The following ZNF483 variants were observed in gnomAD, a reference collection of about 807,000 sequenced individuals.
ZNF483 encodes the protein zinc finger protein 483, also known as zinc finger protein HIT-10.
A neutral mutation model predicts 28.6 loss-of-function variants in ZNF483; 9 were observed. The observed-to-expected ratio is 0.32, with a 90% CI of 0.19 to 0.55. ZNF483 has a LOEUF of 0.55. Ranked by LOEUF, ZNF483 falls within the 20% of genes least tolerant of loss-of-function variation. The probability of loss-of-function intolerance (pLI) is 0.93; values close to 1 mark genes in which losing one functional copy is unlikely to be tolerated. For synonymous variants in ZNF483, 322 were observed against 306.2 expected (o/e 1.05, Z -0.54); for missense variants, 675 against 871.7 (o/e 0.77, Z 2.84).
At chr9:111,558,436 G>A (rs559319003), downstream of ZNF483, among the ~76,000 whole-genome samples, 30 of 152,080 alleles carry the variant, frequency 2.0e-4, no homozygotes, top group Non-Finnish European at 3.8e-4. Context: ...TCAGCTAGTT[G>A]GGAGGTTGAG....
chr9:111,576,285 T>G (rs897785621), intron 5 of ZNF483: 1 of 1,443,622 alleles, frequency 6.9e-7, no homozygotes, highest in African/African-American at 1.4e-5. Flanking sequence ...ATTTCATATT[T>G]GCATATTGTA....
At chr9:111,569,958 A>C in intron 5 of ZNF483, 1 of 1,400,282 alleles carries the variant, frequency 7.1e-7, no homozygotes, top group Non-Finnish European at 9.8e-7. Context: ...TTATACTCTA[A>C]GCACAATGAC....
chr9:111,559,584 CCACA>C (rs149722704), downstream of ZNF483, among the ~76,000 whole-genome samples: 9,881 of 151,656 alleles, frequency 0.065, 418 homozygotes, highest in African/African-American at 0.11. Context: ...TCACCAGTGT[CCACA>C]CACACACACT....
rs140422947 is a variant in ZNF483, at chr9:111,530,961, T to C, written c.499T>C (p.Cys167Arg). The C allele has an allele frequency of 1.3e-5, 19 of 1,481,964 alleles. No individual in the cohort carries two copies. The African/African-American group carries it at 1.7e-4, about 13-fold the overall frequency. 91.8% of individuals were successfully genotyped at this position (1,481,964 alleles called of 1,614,324 possible). A position where few individuals can be genotyped will look rare whatever the true frequency, so the allele number is the denominator to read the frequency against. Reference protein sequence around the residue: ...MVTVCPNTESCESITLKDVAV... With the variant: ...MVTVCPNTESRESITLKDVAV... ...CACTGTTTGTCCCAATACTGAGTCCTGTGTAAGTTTCCTTTGATGGTTTTT... is the reference window on the plus strand; with the variant it reads ...CACTGTTTGTCCCAATACTGAGTCCCGTGTAAGTTTCCTTTGATGGTTTTT... The change falls in exon 3 of 6, where the codon TGT (cysteine) becomes CGT (arginine). Residue 167 changes from cysteine to arginine, a missense_variant and splice_region_variant. This residue lies in a region of ZNF483 where 525 missense variants were observed against 581.8 expected (regional missense o/e 0.90). Coordinates refer to ENST00000309235, the MANE Select transcript of ZNF483 (RefSeq NM_133464.5).
In ZNF483 at chr9:111,542,046, T is replaced by C; in HGVS notation, c.1111T>C (p.Ser371Pro). Residue 371 changes from serine to proline, a missense_variant, in exon 6 of 6, where the codon TCT becomes CCT. Transcript: ENST00000309235. The surrounding 1 kb of genome is among the most constrained non-coding windows in gnomAD (Gnocchi z 6.2). Reference sequence around the variant, plus strand: ...TGATGGTGGGAAAGTCCTGAGTCACTCTTCAGCTCTTACTGAACATCAGAA... The same window carrying C: ...TGATGGTGGGAAAGTCCTGAGTCACCCTTCAGCTCTTACTGAACATCAGAA... ...SNDGGKVLSHSSALTEHQKRQ... is the reference protein window; with the variant it reads ...SNDGGKVLSHPSALTEHQKRQ... 6.2e-7 allele frequency: 1 copy of C among 1,614,078 alleles called. No individual in the cohort carries two copies. The highest frequency in any genetic ancestry group is 8.5e-7 in the Non-Finnish European group (1 of 1,180,002).
chr9:111,572,686 G>A (rs936469962), intron 5 of ZNF483, among the ~76,000 whole-genome samples: 9 of 149,322 alleles, frequency 6.0e-5, no homozygotes, highest in African/African-American at 2.2e-4. Flanking sequence ...GAGCCCAGAA[G>A]GTGGAGGCTG....
rs1457866651 is a variant in ZNF483, at chr9:111,550,642, G to A, written c.*7472G>A. On this transcript the variant is annotated 3_prime_UTR_variant, in exon 6 of 6. Coordinates refer to ENST00000309235, the MANE Select transcript of ZNF483 (RefSeq NM_133464.5). ...GTAATTATTATCTAGGTGGAGAGGT[G>A]GATTCCTGGGCCACTCTATCCATGT... 6.6e-6 allele frequency among the ~76,000 whole-genome samples: 1 copy of A among 152,042 alleles called. No homozygotes were observed. The highest frequency in any genetic ancestry group is 2.4e-5 in the African/African-American group (1 of 41,402).
chr9:111,534,457 A>T (rs752996588), intron 5 of ZNF483, 104 bp downstream of exon 5: 1 of 964,274 alleles, frequency 1.0e-6, no homozygotes, highest in Non-Finnish European at 1.6e-6. Context: ...AAATACAAAG[A>T]TGATTAGAAT....
At chr9:111,526,749 T>C (rs571425120) in intron 1 of ZNF483, among the ~76,000 whole-genome samples, 1 of 152,236 alleles carries the variant, frequency 6.6e-6, no homozygotes, top group African/African-American at 2.4e-5. Flanking sequence ...AGGAGGAGTA[T>C]TCAATCTAAA....
At position 111,530,804 on chromosome 9, in the gene ZNF483, TATATATATATAA is replaced by T. The variant is rs1159644102; in HGVS notation, c.413-70_413-59del. 3.7e-3 allele frequency: 493 copies of T among 133,420 alleles called. 12 individuals are homozygous for T. Among genetic ancestry groups the T allele is most frequent in the East Asian group, 0.011 (55 of 5,224 alleles). 8.3% of individuals were successfully genotyped at this position (133,420 alleles called of 1,614,324 possible). On this transcript the variant is annotated intron_variant, in intron 2 of 5. Coordinates refer to ENST00000309235, the MANE Select transcript of ZNF483 (RefSeq NM_133464.5). The stretch of plus-strand genomic sequence containing the variant: ...ATATATATATATATATATATATACA[TATATATATATAA>T]GATTTTTAGTCTGAGGAATCTGTAT...
chr9:111,543,877 C>T lies in ZNF483; in HGVS notation c.*707C>T, dbSNP rs1589277104. On this transcript the variant is annotated 3_prime_UTR_variant, in exon 6 of 6. Coordinates refer to ENST00000309235, the MANE Select transcript of ZNF483 (RefSeq NM_133464.5). ...TCAAGTGATCCTTCCATCTCACTTTCCTGAGTAGCTGACATTACGGGTACA... is the reference window on the plus strand; with the variant it reads ...TCAAGTGATCCTTCCATCTCACTTTTCTGAGTAGCTGACATTACGGGTACA... The T allele has an allele frequency of 1.0e-6, 1 of 982,026 alleles. No individual in the cohort carries two copies. Among genetic ancestry groups the T allele is most frequent in the Non-Finnish European group, 1.2e-6 (1 of 828,308 alleles). The allele number at this position is 982,026 out of a possible 1,614,324, so 60.8% of individuals were successfully genotyped here.
exon 6 of ZNF483, chr9:111,576,490 G>T: frequency 6.3e-7 from 1 of 1,595,354 alleles, no homozygotes. Context: ...TGCAGTTCAA[G>T]AGGCTCTGGT....
chr9:111,550,976 T>C lies in ZNF483; in HGVS notation c.*7806T>C, dbSNP rs1827924123. On this transcript the variant is annotated 3_prime_UTR_variant, in exon 6 of 6. Transcript: ENST00000309235. ...TGAAGCCTCTGATGATCTTTGACTA[T>C]TTATATTTAAGAGCAGGGCTCTAAA... 6.6e-6 allele frequency among the ~76,000 whole-genome samples: 1 copy of C among 152,234 alleles called. No homozygotes were observed. The highest frequency in any genetic ancestry group is 1.5e-5 in the Non-Finnish European group (1 of 68,042).
chr9:111,528,471 A>G (rs1827235663), intron 2 of ZNF483, among the ~76,000 whole-genome samples: 1 of 152,210 alleles, frequency 6.6e-6, no homozygotes. Context: ...TGATATCATT[A>G]TAAAATATTG....
intron 5 of ZNF483, among the ~76,000 whole-genome samples, chr9:111,564,496 G>A (rs1484944733): frequency 6.6e-6 from 1 of 151,608 alleles, no homozygotes; most frequent in African/African-American, 2.4e-5. Context: ...TGTAGAGACG[G>A]GGTCTTGCTA....
chr9:111,552,685 A>C lies in ZNF483; in HGVS notation c.*9515A>C, dbSNP rs1005921232. On this transcript the variant is annotated 3_prime_UTR_variant, in exon 6 of 6. Coordinates refer to ENST00000309235, the MANE Select transcript of ZNF483 (RefSeq NM_133464.5). The stretch of plus-strand genomic sequence containing the variant: ...TAAATTTGGAGGTTCTTTGAGACAG[A>C]ATATACCCAGAGTTTTCTTTGGGCA... Among the ~76,000 whole-genome samples the C allele has an allele frequency of 4.6e-5, 7 of 152,188 alleles. No homozygotes were observed. Among genetic ancestry groups the C allele is most frequent in the African/African-American group, 1.7e-4 (7 of 41,456 alleles).
rs1007252774 is a variant in ZNF483 at position 111,546,932 on chromosome 9, T to C, written c.*3762T>C. On this transcript the variant is annotated 3_prime_UTR_variant, in exon 6 of 6. Transcript: ENST00000309235. The stretch of plus-strand genomic sequence containing the variant: ...TAATTACTTGGTATGAATGGAATCA[T>C]ACAATATTTGCCCTGTTGTGTTTGG... 6.6e-6 allele frequency among the ~76,000 whole-genome samples: 1 copy of C among 152,222 alleles called. No homozygotes were observed. Among genetic ancestry groups the C allele is most frequent in the Non-Finnish European group, 1.5e-5 (1 of 68,026 alleles).
intron 3 of ZNF483, among the ~76,000 whole-genome samples, chr9:111,532,146 T>C (rs1457093157): frequency 6.6e-6 from 1 of 152,034 alleles, no homozygotes; most frequent in African/African-American, 2.4e-5. Context: ...CTCGTCTATA[T>C]AAAAAATTTT....
rs966236584 is a variant in ZNF483, at chr9:111,546,576, T to C, written c.*3406T>C. 6.6e-6 allele frequency among the ~76,000 whole-genome samples: 1 copy of C among 152,206 alleles called. No individual in the cohort carries two copies. Among genetic ancestry groups the C allele is most frequent in the Non-Finnish European group, 1.5e-5 (1 of 68,020 alleles). The stretch of plus-strand genomic sequence containing the variant: ...AGTCCTTGCTTTAAATAATGTTTCC[T>C]CTTAATGAGCGTGTATAAATTTTTT... On this transcript the variant is annotated 3_prime_UTR_variant, in exon 6 of 6. Transcript: ENST00000309235.
Sources: gnomAD v4.1 joint callset for allele counts (sites outside exome capture counted in the v4.1 genomes callset) on GRCh38, gnomAD v4.1.1 for gene constraint, gnomAD v4.1.1 regional missense constraint, Gnocchi (gnomAD v3.1) non-coding constraint, MANE v1.5 for transcripts, NCBI Gene and HGNC (gene_info 2026-07-23, HGNC 2026-07-21) for gene names.